SOX6: variants seen among roughly 807,000 people sequenced by gnomAD.
The protein encoded by SOX6 is SRY-box transcription factor 6.
In SOX6, 11 loss-of-function variants were observed where a neutral mutation model predicts 97.8. The ratio of observed to expected loss-of-function variants is 0.11; its 90% CI spans 0.07 to 0.19. SOX6 has a LOEUF of 0.19. Among genes scored for constraint, SOX6 ranks in the 10% least tolerant of loss-of-function variants. The pLI, the probability that SOX6 is intolerant of heterozygous loss-of-function variation, is 1.00. For synonymous variants in SOX6, 360 were observed against 371.4 expected (o/e 0.97, Z 0.35); for missense variants, 810 against 1,039.5 (o/e 0.78, Z 3.04).
intron 4 of SOX6, among the ~76,000 whole-genome samples, chr11:16,524,212 T>C (rs1365204950): frequency 2.0e-5 from 3 of 151,896 alleles, no homozygotes; most frequent in African/African-American, 4.8e-5. Flanking sequence ...TGATGAACAT[T>C]GATGCAAAAA....
intron 6 of SOX6, among the ~76,000 whole-genome samples, chr11:16,139,552 A>T (rs1360225134): frequency 1.3e-5 from 2 of 152,128 alleles, no homozygotes. Flanking sequence ...TTCAAGCTGG[A>T]TGCTTTATCC....
At chr11:16,132,442 A>AG (rs1849826857) in intron 6 of SOX6, among the ~76,000 whole-genome samples, 1 of 88,172 alleles carries the variant, frequency 1.1e-5, no homozygotes, top group African/African-American at 5.5e-5. Flanking sequence ...AGAAAGAAAG[A>AG]AAAAAGAAAG....
At chr11:16,359,473 A>G (rs1219199593), upstream of SOX6, among the ~76,000 whole-genome samples, 1 of 152,098 alleles carries the variant, frequency 6.6e-6, no homozygotes, top group Non-Finnish European at 1.5e-5. Flanking sequence ...TTATGAAAAA[A>G]AAATCTCCAG....
chr11:16,320,110 T>C (rs1424403568), intron 2 of SOX6, among the ~76,000 whole-genome samples: 1 of 152,142 alleles, frequency 6.6e-6, no homozygotes, highest in African/African-American at 2.4e-5. Flanking sequence ...ACAGCTATTA[T>C]TTTGCCATAG....
chr11:16,609,919 G>A (rs12294867), intron 4 of SOX6, among the ~76,000 whole-genome samples: 48 of 152,294 alleles, frequency 3.2e-4, no homozygotes, highest in African/African-American at 1.0e-3. Flanking sequence ...TTTCAGGACT[G>A]GAAATTCTGT....
intron 9 of SOX6, among the ~76,000 whole-genome samples, chr11:16,089,979 C>T (rs571275115): frequency 3.3e-5 from 5 of 152,136 alleles, no homozygotes; most frequent in Admixed American, 1.3e-4. Flanking sequence ...AGAATTCCAA[C>T]GTAGCTCATT....
intron 1 of SOX6, among the ~76,000 whole-genome samples, chr11:16,451,564 CT>C (rs1173348786): frequency 6.6e-6 from 1 of 152,096 alleles, no homozygotes; most frequent in Non-Finnish European, 1.5e-5. Context: ...TTAGTAATAT[CT>C]TTCTTTACCA....
chr11:16,342,298 G>A (rs529830269), intron 1 of SOX6, among the ~76,000 whole-genome samples: 102 of 152,020 alleles, frequency 6.7e-4, no homozygotes, highest in Non-Finnish European at 1.0e-3. Flanking sequence ...ACAGAAGAGG[G>A]AATTGAGCAC....
chr11:16,124,756 G>T, intron 6 of SOX6, among the ~76,000 whole-genome samples: 1 of 152,028 alleles, frequency 6.6e-6, no homozygotes, highest in East Asian at 1.9e-4. Context: ...AGTCACTGAA[G>T]GGTTTTAAAA....
intron 2 of SOX6, among the ~76,000 whole-genome samples, chr11:16,339,741 T>C (rs553090243): frequency 6.6e-6 from 1 of 152,206 alleles, no homozygotes; most frequent in African/African-American, 2.4e-5. Flanking sequence ...GGCACATAGA[T>C]GGTACTCAAT....
At chr11:16,589,867 T>C (rs527832250) in intron 4 of SOX6, among the ~76,000 whole-genome samples, 1 of 152,334 alleles carries the variant, frequency 6.6e-6, no homozygotes, top group Non-Finnish European at 1.5e-5. Context: ...GCTCAATCAG[T>C]ACTTTACAAA....
chr11:16,011,166 A>G (rs1335246952), intron 13 of SOX6, among the ~76,000 whole-genome samples: 1 of 152,076 alleles, frequency 6.6e-6, no homozygotes, highest in Non-Finnish European at 1.5e-5. Context: ...GGGAAATGCC[A>G]TACGAAAAGT....
rs141124609 is a variant in SOX6, at chr11:16,350,314, G to A, written c.-5+5780C>T. Among the ~76,000 whole-genome samples, 107 of 152,310 alleles carry A rather than the reference G, an allele frequency of 7.0e-4. 1 individual carries two copies. The highest frequency in any genetic ancestry group is 2.5e-3 in the African/African-American group (102 of 41,584). On this transcript the variant is annotated intron_variant, in intron 1 of 15. Transcript: ENST00000683767. ...CAGAAGGAAAACAAGGATAGCAAGCGACAGGAGAAAGGGGAAGTCCAGTCT... is the reference window on the plus strand; with the variant it reads ...CAGAAGGAAAACAAGGATAGCAAGCAACAGGAGAAAGGGGAAGTCCAGTCT...
chr11:16,316,121 A>T (rs917858473), intron 3 of SOX6: 63 of 150,794 alleles, frequency 4.2e-4, no homozygotes, highest in African/African-American at 1.5e-3. Context: ...TTTTTTTTTA[A>T]TCATTCATCT....
At chr11:16,662,056 A>G (rs772205373) in intron 3 of SOX6, among the ~76,000 whole-genome samples, 57 of 152,250 alleles carry the variant, frequency 3.7e-4, no homozygotes, top group Admixed American at 1.2e-3. Context: ...TCATCTAAAA[A>G]TAAGAAAAAT....
intron 4 of SOX6, among the ~76,000 whole-genome samples, chr11:16,566,050 C>T (rs1465963761): frequency 1.4e-5 from 2 of 145,538 alleles, no homozygotes; most frequent in African/African-American, 2.6e-5. Context: ...GAGCCGAGAT[C>T]GGGCCACTGC....
chr11:16,071,507 G>A (rs1848223868), intron 9 of SOX6, among the ~76,000 whole-genome samples: 1 of 151,644 alleles, frequency 6.6e-6, no homozygotes, highest in African/African-American at 2.4e-5. Flanking sequence ...ATTTCTGCCT[G>A]GATTTGCAAG....
intron 3 of SOX6, among the ~76,000 whole-genome samples, chr11:16,283,548 C>T (rs1451387951): frequency 1.3e-5 from 2 of 151,674 alleles, no homozygotes; most frequent in Non-Finnish European, 3.0e-5. Context: ...GAAACACATA[C>T]ATAAACACAC....
At chr11:16,420,249 T>A (rs1858997355) in intron 1 of SOX6, among the ~76,000 whole-genome samples, 1 of 152,144 alleles carries the variant, frequency 6.6e-6, no homozygotes, top group South Asian at 2.1e-4. Flanking sequence ...ATTAATAAGT[T>A]TTTTAAAGGG....
Sources: gnomAD v4.1 joint callset for allele counts (sites outside exome capture counted in the v4.1 genomes callset) on GRCh38, gnomAD v4.1.1 for gene constraint, MANE v1.5 for transcripts, NCBI Gene and HGNC (gene_info 2026-07-23, HGNC 2026-07-21) for gene names.